Variants in CCNO observed in about 807,000 individuals in gnomAD.
CCNO encodes cyclin-O.
In CCNO, 24 loss-of-function variants were observed where a neutral mutation model predicts 23.9. The ratio of observed to expected loss-of-function variants is 1.00; its 90% CI spans 0.73 to 1.41. The LOEUF is 1.41. Among genes scored for constraint, CCNO ranks in the 40% most tolerant of loss-of-function variants. The probability of loss-of-function intolerance (pLI) is 0.00; values close to 1 mark genes in which losing one functional copy is unlikely to be tolerated. For synonymous variants in CCNO, 241 were observed against 225.7 expected (o/e 1.07, Z -0.61); for missense variants, 542 against 476.2 (o/e 1.14, Z -1.29).
At position 55,233,171 on chromosome 5, in the gene CCNO, G is replaced by C. The variant is rs1745646176; in HGVS notation, c.353C>G (p.Pro118Arg). ...FRKAQESHFHPREALARQPQV... is the reference protein window; with the variant it reads ...FRKAQESHFHRREALARQPQV... The stretch of plus-strand genomic sequence containing the variant: ...TGGCTGCCGTGCCAGCGCCTCCCGC[G>C]GGTGGAAGTGGCTCTCCTGCGCCTT... Residue 118 changes from proline to arginine, a missense_variant, in exon 1 of 3, where the codon CCG (proline) becomes CGG (arginine). Physicochemically the swap from Pro to Arg is moderately radical, Grantham distance 103. Transcript: ENST00000282572. The C allele has an allele frequency of 6.5e-7, 1 of 1,547,136 alleles. No homozygotes were observed. Among genetic ancestry groups the C allele is most frequent in the Non-Finnish European group, 8.7e-7 (1 of 1,147,472 alleles).
At chr5:55,232,931 G>C (rs1305200929) in intron 1 of CCNO, 2 of 608,424 alleles carry the variant, frequency 3.3e-6, no homozygotes, top group Admixed American at 6.2e-5. Context: ...AGCTTGGGAC[G>C]GGGCAAGTCC....
chr5:55,233,028 C>A lies in CCNO; in HGVS notation c.381+115G>T, dbSNP rs186131434. 7.8e-4 allele frequency: 864 copies of A among 1,105,982 alleles called. 6 individuals are homozygous for A. In the Middle Eastern group the frequency reaches 9.6e-3, roughly 12 times the overall value. 68.5% of individuals were successfully genotyped at this position (1,105,982 alleles called of 1,614,324 possible). A position where few individuals can be genotyped will look rare whatever the true frequency, so the allele number is the denominator to read the frequency against. On this transcript the variant is annotated intron_variant, in intron 1 of 2. Coordinates refer to ENST00000282572, the MANE Select transcript of CCNO (RefSeq NM_021147.5). ...CGGCCCCTTGTGCTTCGACTCGGGGCGGGACCTGGGCTGTCGCGGGCCCGG... is the reference window on the plus strand; with the variant it reads ...CGGCCCCTTGTGCTTCGACTCGGGGAGGGACCTGGGCTGTCGCGGGCCCGG...
intron 2 of CCNO, 33 bp downstream of exon 2, chr5:55,232,328 A>G: frequency 6.3e-7 from 1 of 1,592,542 alleles, no homozygotes; most frequent in Non-Finnish European, 8.6e-7. Flanking sequence ...GCGTCCCCAG[A>G]TGCCGCGTGT....
intron 2 of CCNO, 90 bp downstream of exon 2, chr5:55,232,271 G>A (rs1232669091): frequency 2.5e-6 from 3 of 1,206,150 alleles, no homozygotes; most frequent in Middle Eastern, 1.9e-4. Flanking sequence ...ACTGAATCGT[G>A]CGCGCTGGAA....
In CCNO at chr5:55,231,827, G is replaced by C. The variant is rs1197797703; in HGVS notation, c.601C>G (p.Leu201Val). The change falls in exon 3 of 3, where the codon CTG becomes GTG. Residue 201 changes from leucine to valine, a missense_variant. Physicochemically the swap from Leu to Val is conservative, Grantham distance 32. Coordinates refer to ENST00000282572, the MANE Select transcript of CCNO (RefSeq NM_021147.5). ...EVHPPRVKQL[L>V]ALCCGAFSRQ... ...GAGAAGGCGCCGCAGCAGAGGGCCA[G>C]AAGCTGCTTCACGCGCGGCGGGTGC... 6.5e-7 allele frequency: 1 copy of C among 1,549,074 alleles called. No homozygotes were observed. Among genetic ancestry groups the C allele is most frequent in the African/African-American group, 1.4e-5 (1 of 73,446 alleles).
rs186617234 is a variant in CCNO, at chr5:55,233,588, C to A, written c.-65G>T. On this transcript the variant is annotated 5_prime_UTR_variant, in exon 1 of 3. Coordinates refer to ENST00000282572, the MANE Select transcript of CCNO (RefSeq NM_021147.5). Reference sequence around the variant, plus strand: ...GGCTGCGGCGGGCAGCAAACGCGCACTCGAAAGTGCGAAGGAGGCCGGGCT... The same window carrying A: ...GGCTGCGGCGGGCAGCAAACGCGCAATCGAAAGTGCGAAGGAGGCCGGGCT... The A allele has an allele frequency of 0.023, 33,444 of 1,434,862 alleles. 516 individuals are homozygous for A. Among genetic ancestry groups the A allele is most frequent in the Non-Finnish European group, 0.027 (29,134 of 1,092,668 alleles). 88.9% of individuals were successfully genotyped at this position (1,434,862 alleles called of 1,614,324 possible).
chr5:55,232,267 T>C (rs1203703829), intron 2 of CCNO, 94 bp downstream of exon 2: 2 of 1,161,218 alleles, frequency 1.7e-6, no homozygotes, highest in Non-Finnish European at 2.6e-6. Flanking sequence ...CAGCACTGAA[T>C]CGTGCGCGCT....
At position 55,233,312 on chromosome 5, in the gene CCNO, G is replaced by A; in HGVS notation, c.212C>T (p.Ala71Val). ...FESPSSGSDG[A>V]ESPSAARGGS... ...ACCCCGCGCCGCAGAGGGGCTCTCT[G>A]CGCCGTCTGAGCCGGAGCTGGGGGA... Residue 71 changes from alanine to valine, a missense_variant, in exon 1 of 3, where the codon GCA becomes GTA. Ala to Val is a moderately conservative substitution (Grantham distance 64, BLOSUM62 0). Coordinates refer to ENST00000282572, the MANE Select transcript of CCNO (RefSeq NM_021147.5). 1 of 1,597,694 alleles carries A rather than the reference G, an allele frequency of 6.3e-7. No individual in the cohort carries two copies. The highest frequency in any genetic ancestry group is 8.5e-7 in the Non-Finnish European group (1 of 1,173,698).
rs1193361143 is a variant in CCNO at position 55,231,844 on chromosome 5, G to A, written c.584C>T (p.Pro195Leu). 1 of 1,541,930 alleles carries A rather than the reference G, an allele frequency of 6.5e-7. No homozygotes were observed. The highest frequency in any genetic ancestry group is 8.8e-7 in the Non-Finnish European group (1 of 1,142,448). ...GAGGGCCAGAAGCTGCTTCACGCGC[G>A]GCGGGTGCACCTCCACCTGCAACAC... ...IACKQVEVHPPRVKQLLALCC... is the reference protein window; with the variant it reads ...IACKQVEVHPLRVKQLLALCC... Residue 195 changes from proline to leucine, a missense_variant, in exon 3 of 3, where the codon CCG (proline) becomes CTG (leucine). By Grantham distance (98) the Pro-to-Leu change is moderately conservative. Transcript: ENST00000282572.
intron 1 of CCNO, 178 bp from the exon 2 acceptor site, chr5:55,232,724 G>A: frequency 1.6e-6 from 1 of 642,176 alleles, no homozygotes; most frequent in Non-Finnish European, 2.7e-6. Flanking sequence ...CGGAACACCG[G>A]GATTGGGACC....
intron 1 of CCNO, 133 bp downstream of exon 1, chr5:55,233,010 T>C: frequency 1.1e-6 from 1 of 931,578 alleles, no homozygotes; most frequent in South Asian, 1.7e-5. Flanking sequence ...CCACGGCCCC[T>C]TGTGCTTCGA....
intron 1 of CCNO, 34 bp downstream of exon 1, chr5:55,233,109 C>A (rs1417326057): frequency 1.6e-5 from 24 of 1,525,776 alleles, no homozygotes; most frequent in Non-Finnish European, 1.8e-5. Context: ...AGAGGAAGAG[C>A]GGCGGCGTGG....
At chr5:55,232,680 A>C in intron 1 of CCNO, 134 bp from the exon 2 acceptor site, 1 of 845,774 alleles carries the variant, frequency 1.2e-6, no homozygotes, top group Non-Finnish European at 1.9e-6. Flanking sequence ...GAGAAACGCA[A>C]TGGAAACTGG....
rs1399260642 is a variant in CCNO at position 55,231,542 on chromosome 5, G to A, written c.886C>T (p.Arg296Trp). 4 of 1,613,394 alleles carry A rather than the reference G, an allele frequency of 2.5e-6. No individual in the cohort carries two copies. Among genetic ancestry groups the A allele is most frequent in the African/African-American group, 1.3e-5 (1 of 74,936 alleles). The change falls in exon 3 of 3, where the codon CGG (arginine) becomes TGG (tryptophan). Residue 296 changes from arginine (R) to tryptophan (W), a missense_variant. Physicochemically the swap from Arg to Trp is moderately radical, Grantham distance 101. Transcript: ENST00000282572. ...CCLALADRML[R>W]VSRPVDLRLG... The stretch of plus-strand genomic sequence containing the variant: ...CGCAAGTCCACGGGCCGCGAGACCC[G>A]CAGCATGCGGTCCGCCAGCGCCAGG...
In CCNO at chr5:55,232,559, AG is replaced by A; in HGVS notation, c.382-14del. On this transcript the variant is annotated splice_polypyrimidine_tract_variant and intron_variant, in intron 1 of 2. Coordinates refer to ENST00000282572, the MANE Select transcript of CCNO (RefSeq NM_021147.5). ...ATTCCGCCGTCACCTGCCGGGAAGG[AG>A]GGGGGAGGCGGGCCCGCTGGGCTTA... 1 of 1,612,714 alleles carries A rather than the reference AG, an allele frequency of 6.2e-7. No homozygotes were observed. The highest frequency in any genetic ancestry group is 8.5e-7 in the Non-Finnish European group (1 of 1,179,668).
chr5:55,232,573 C>T, intron 1 of CCNO, 27 bp from the exon 2 acceptor site: 1 of 1,611,148 alleles, frequency 6.2e-7, no homozygotes, highest in Non-Finnish European at 8.5e-7. Flanking sequence ...GGGAGGCGGG[C>T]CCGCTGGGCT....
At chr5:55,232,710 G>A (rs1288544122) in intron 1 of CCNO, 164 bp from the exon 2 acceptor site, 3 of 678,928 alleles carry the variant, frequency 4.4e-6, no homozygotes, top group African/African-American at 1.8e-5. Context: ...GGGCCGTGCT[G>A]AGCCGGAACA....
In CCNO at chr5:55,232,499, C is replaced by A; in HGVS notation, c.429G>T (p.Val143=). The A allele has an allele frequency of 6.2e-7, 1 of 1,613,774 alleles. No individual in the cohort carries two copies. ...CGAAGGAGAGGCCGAATTGGCGGTGCACCGGGATCAGCCAGCTGAGCAGCT... is the reference window on the plus strand; with the variant it reads ...CGAAGGAGAGGCCGAATTGGCGGTGAACCGGGATCAGCCAGCTGAGCAGCT... ...RCKLLSWLIP[V]HRQFGLSFES... Residue 143 remains valine, a synonymous_variant, in exon 2 of 3, where the codon GTG becomes GTT. Coordinates refer to ENST00000282572, the MANE Select transcript of CCNO (RefSeq NM_021147.5).
In CCNO at chr5:55,232,653, C is replaced by G. The variant is rs559076864; in HGVS notation, c.382-107G>C. Reference sequence around the variant, plus strand: ...ATCGGGGAGCTTCCCAGGAGAGGGGCAAGAAGATTTCAGAAAGAGAAACGC... The same window carrying G: ...ATCGGGGAGCTTCCCAGGAGAGGGGGAAGAAGATTTCAGAAAGAGAAACGC... On this transcript the variant is annotated intron_variant, in intron 1 of 2. Coordinates refer to ENST00000282572, the MANE Select transcript of CCNO (RefSeq NM_021147.5). 33 of 1,054,288 alleles carry G rather than the reference C, an allele frequency of 3.1e-5. No homozygotes were observed. The African/African-American group carries it at 4.6e-4, about 15-fold the overall frequency. 65.3% of individuals were successfully genotyped at this position (1,054,288 alleles called of 1,614,324 possible).
Sources: gnomAD v4.1 joint callset for allele counts on GRCh38, gnomAD v4.1.1 for gene constraint, MANE v1.5 for transcripts, NCBI Gene and HGNC (gene_info 2026-07-23, HGNC 2026-07-21) for gene names.